TBC1D22A: variants seen among roughly 807,000 people sequenced by gnomAD.
The protein encoded by TBC1D22A is putative GTPase activator.
In TBC1D22A, 38 loss-of-function variants were observed where a neutral mutation model predicts 60.2. That is an observed-to-expected ratio of 0.63 (90% confidence interval 0.49 to 0.83). TBC1D22A has a LOEUF of 0.83. TBC1D22A is among the 40% of genes least tolerant of loss of function. The pLI is 0.00. For missense variants in TBC1D22A, 628 were observed against 701.0 expected (o/e 0.90, Z 1.18); for synonymous variants, 302 against 281.7 (o/e 1.07, Z -0.72).
At chr22:46,981,783 A>G (rs927866017) in intron 9 of TBC1D22A, among the ~76,000 whole-genome samples, 1 of 152,238 alleles carries the variant, frequency 6.6e-6, no homozygotes, top group Non-Finnish European at 1.5e-5. Context: ...TCTTTATAGC[A>G]GTATGAAAGT....
chr22:46,799,387 A>T (rs1220333245), intron 4 of TBC1D22A, among the ~76,000 whole-genome samples: 2 of 152,210 alleles, frequency 1.3e-5, no homozygotes, highest in Non-Finnish European at 2.9e-5. Flanking sequence ...TTGGAGATAT[A>T]TCCCTTTACC....
At chr22:47,023,635 A>G (rs1414803173) in intron 10 of TBC1D22A, among the ~76,000 whole-genome samples, 1 of 152,252 alleles carries the variant, frequency 6.6e-6, no homozygotes, top group Non-Finnish European at 1.5e-5. Context: ...AAAGGTAAGC[A>G]TGACAACAGC....
At position 46,864,538 on chromosome 22, in the gene TBC1D22A, C is replaced by T. The variant is rs906235150; in HGVS notation, c.638-14115C>T. On this transcript the variant is annotated intron_variant, in intron 4 of 12. Transcript: ENST00000337137. ...TCCTGTACTTTGCCCTCTGACATTC[C>T]GCTTTCCACAAACAGATTGGTGAGG... 5.3e-5 allele frequency among the ~76,000 whole-genome samples: 8 copies of T among 152,334 alleles called. No homozygotes were observed. In the South Asian group the frequency reaches 6.2e-4, roughly 12 times the overall value.
At chr22:46,932,494 C>T (rs1490133308) in intron 8 of TBC1D22A, among the ~76,000 whole-genome samples, 1 of 152,048 alleles carries the variant, frequency 6.6e-6, no homozygotes, top group East Asian at 1.9e-4. Context: ...TACCGTTTTC[C>T]TCAGGTTTAG....
At position 46,995,093 on chromosome 22, in the gene TBC1D22A, G is replaced by T. The variant is rs183988544; in HGVS notation, c.1126-2541G>T. The stretch of plus-strand genomic sequence containing the variant: ...CCTGCCCATTAAACACCGTATTTTG[G>T]ACAGCCAAATTCAGGAGGCCTCCAA... On this transcript the variant is annotated intron_variant, in intron 9 of 12. Coordinates refer to ENST00000337137, the MANE Select transcript of TBC1D22A (RefSeq NM_014346.5). Among the ~76,000 whole-genome samples the T allele has an allele frequency of 2.9e-4, 44 of 152,280 alleles. 1 individual carries two copies. Among genetic ancestry groups the T allele is most frequent in the Admixed American group, 3.9e-4 (6 of 15,300 alleles).
intron 7 of TBC1D22A, among the ~76,000 whole-genome samples, chr22:46,910,141 G>A (rs1489711651): frequency 6.6e-6 from 1 of 152,200 alleles, no homozygotes; most frequent in African/African-American, 2.4e-5. Flanking sequence ...ATATATGTGC[G>A]CGAACATATT....
chr22:47,076,077 G>A (rs1292420382), intron 11 of TBC1D22A, among the ~76,000 whole-genome samples: 1 of 152,080 alleles, frequency 6.6e-6, no homozygotes, highest in African/African-American at 2.4e-5. Flanking sequence ...AGGACAGATT[G>A]ACAAATCTGT....
At chr22:47,151,364 C>T (rs989483208) in intron 12 of TBC1D22A, among the ~76,000 whole-genome samples, 1 of 152,228 alleles carries the variant, frequency 6.6e-6, no homozygotes, top group Non-Finnish European at 1.5e-5. Context: ...CTTCCTCCTG[C>T]CCTCCCAGGC....
At chr22:46,971,135 AT>A (rs1250437601) in intron 8 of TBC1D22A, among the ~76,000 whole-genome samples, 1 of 152,194 alleles carries the variant, frequency 6.6e-6, no homozygotes, top group African/African-American at 2.4e-5. Flanking sequence ...CCATTACTTC[AT>A]TACCTTGAAG....
intron 1 of TBC1D22A, among the ~76,000 whole-genome samples, chr22:46,775,559 T>A (rs801628): frequency 2.0e-5 from 3 of 152,086 alleles, no homozygotes; most frequent in Non-Finnish European, 4.4e-5. Context: ...GTGATTCCTG[T>A]GCGGCCACAG....
At chr22:46,943,631 GA>G (rs1244605278) in intron 8 of TBC1D22A, among the ~76,000 whole-genome samples, 1 of 152,182 alleles carries the variant, frequency 6.6e-6, no homozygotes, top group Non-Finnish European at 1.5e-5. Flanking sequence ...TGTCTTCACA[GA>G]ATTGTGCAAC....
rs573128599 is a variant in TBC1D22A, at chr22:46,867,757, C to A, written c.638-10896C>A. On this transcript the variant is annotated intron_variant, in intron 4 of 12. Transcript: ENST00000337137. ...CTTACTGAAGGACTAGGGCAGCATG[C>A]GATCACAGCAGGGCAAGAAATCACG... Among the ~76,000 whole-genome samples the A allele has an allele frequency of 1.8e-4, 27 of 152,290 alleles. 1 individual carries two copies. In the South Asian group the frequency reaches 5.6e-3, roughly 32 times the overall value.
At chr22:46,856,078 G>A (rs2087553377) in intron 4 of TBC1D22A, among the ~76,000 whole-genome samples, 1 of 152,162 alleles carries the variant, frequency 6.6e-6, no homozygotes, top group African/African-American at 2.4e-5. Context: ...TCCTCTGCAT[G>A]TCCCCTGAGG....
intron 10 of TBC1D22A, among the ~76,000 whole-genome samples, chr22:47,017,485 C>T (rs1224192741): frequency 6.6e-6 from 1 of 152,112 alleles, no homozygotes; most frequent in Non-Finnish European, 1.5e-5. Context: ...GGGTTGGCGG[C>T]AGAATGCTGG....
intron 4 of TBC1D22A, among the ~76,000 whole-genome samples, chr22:46,877,923 C>A (rs991694971): frequency 1.3e-5 from 2 of 152,184 alleles, no homozygotes; most frequent in Non-Finnish European, 2.9e-5. Flanking sequence ...CACAGCCTTA[C>A]CCCTCTGCCT....
intron 11 of TBC1D22A, among the ~76,000 whole-genome samples, chr22:47,054,849 C>G (rs1474765429): frequency 6.6e-6 from 1 of 152,150 alleles, no homozygotes; most frequent in African/African-American, 2.4e-5. Flanking sequence ...CCGTTGTTAA[C>G]TTGTAAACAG....
intron 9 of TBC1D22A, among the ~76,000 whole-genome samples, chr22:46,983,289 A>G (rs2148173298): frequency 6.6e-6 from 1 of 152,334 alleles, no homozygotes; most frequent in South Asian, 2.1e-4. Context: ...GACACCACTA[A>G]GTGCAGGAGT....
intron 4 of TBC1D22A, among the ~76,000 whole-genome samples, chr22:46,802,994 C>T (rs902733780): frequency 3.9e-5 from 6 of 152,098 alleles, no homozygotes; most frequent in Non-Finnish European, 2.9e-5. Flanking sequence ...GAAATCAGAA[C>T]ACACTCCAGA....
At chr22:46,901,189 G>A (rs534068478) in intron 7 of TBC1D22A, among the ~76,000 whole-genome samples, 13 of 152,298 alleles carry the variant, frequency 8.5e-5, no homozygotes, top group Admixed American at 6.5e-4. Context: ...GGCATCTAAC[G>A]TGCCAGGCCA....
Sources: gnomAD v4.1 joint callset for allele counts (sites outside exome capture counted in the v4.1 genomes callset) on GRCh38, gnomAD v4.1.1 for gene constraint, MANE v1.5 for transcripts, NCBI Gene and HGNC (gene_info 2026-07-23, HGNC 2026-07-21) for gene names.